CEP83: variants seen among roughly 807,000 people sequenced by gnomAD.
The protein encoded by CEP83 is centrosomal protein of 83 kDa.
A neutral mutation model predicts 101.9 loss-of-function variants in CEP83; 70 were observed. That is an observed-to-expected ratio of 0.69 (90% CI 0.57 to 0.84). The LOEUF (loss-of-function observed/expected upper bound fraction) is 0.84. Ranked by LOEUF, CEP83 falls within the 40% of genes least tolerant of loss-of-function variation. CEP83 has a pLI of 0.00. For missense variants in CEP83, 715 were observed against 787.2 expected, an observed-to-expected ratio of 0.91 and a Z score of 1.10; for synonymous variants, 264 against 267.9, an observed-to-expected ratio of 0.99 and a Z score of 0.14.
At position 94,426,816 on chromosome 12, in the gene CEP83, C is replaced by A. The variant is rs573836938; in HGVS notation, c.-102+8459G>T. Among the ~76,000 whole-genome samples the A allele has an allele frequency of 3.3e-5, 5 of 152,132 alleles. No homozygotes were observed. In the East Asian group the frequency reaches 7.7e-4, roughly 23 times the overall value. On this transcript the variant is annotated intron_variant, in intron 2 of 16. Transcript: ENST00000397809. Reference sequence around the variant, plus strand: ...TGAAGAGGAAGAGGCAATGTGACCACGGAGACAGAGACTGGAAAGATGTAG... The same window carrying A: ...TGAAGAGGAAGAGGCAATGTGACCAAGGAGACAGAGACTGGAAAGATGTAG...
chr12:94,282,419 C>A, the CEP83 span: 1 of 1,478,756 alleles, frequency 6.8e-7, no homozygotes. Flanking sequence ...CAAGACTTGA[C>A]CCCGTGTCTC....
chr12:94,365,544 C>G (rs962011057), intron 11 of CEP83, among the ~76,000 whole-genome samples: 76 of 152,068 alleles, frequency 5.0e-4, no homozygotes, highest in African/African-American at 1.8e-3. Context: ...CCGAGGTGGG[C>G]AGATCACCCG....
chr12:94,312,793 G>A, intron 15 of CEP83, 121 bp downstream of exon 15: 1 of 1,267,226 alleles, frequency 7.9e-7, no homozygotes, highest in Non-Finnish European at 1.0e-6. Context: ...GAGTTATCAA[G>A]CTGTTTTAGA....
intron 6 of CEP83, among the ~76,000 whole-genome samples, chr12:94,389,070 T>C (rs1335198469): frequency 1.3e-5 from 2 of 152,136 alleles, no homozygotes; most frequent in Non-Finnish European, 2.9e-5. Context: ...GAGGTTGCAG[T>C]GAGCCAAGAT....
At chr12:94,394,989 T>C (rs530546861) in intron 6 of CEP83, among the ~76,000 whole-genome samples, 50 of 152,282 alleles carry the variant, frequency 3.3e-4, no homozygotes, top group African/African-American at 1.1e-3. Flanking sequence ...CTGGAGAGGA[T>C]GTAGAGAAAT....
At chr12:94,393,306 C>T (rs1435114318) in intron 6 of CEP83, among the ~76,000 whole-genome samples, 1 of 152,180 alleles carries the variant, frequency 6.6e-6, no homozygotes, top group Non-Finnish European at 1.5e-5. Flanking sequence ...CCCTGGGATG[C>T]AAGGCTGGTT....
intron 11 of CEP83, among the ~76,000 whole-genome samples, chr12:94,342,922 CAA>C (rs1043612164): frequency 2.4e-4 from 36 of 151,990 alleles, no homozygotes; most frequent in African/African-American, 8.2e-4. Flanking sequence ...ACAAGATATA[CAA>C]AGAGTCACAT....
At position 94,332,872 on chromosome 12, in the gene CEP83, AACTT is replaced by A. The variant is rs202113211; in HGVS notation, c.1577+606_1577+609del. Among the ~76,000 whole-genome samples the A allele has an allele frequency of 2.5e-3, 376 of 152,132 alleles. 1 individual carries two copies. The highest frequency in any genetic ancestry group is 8.5e-3 in the African/African-American group (355 of 41,534). On this transcript the variant is annotated intron_variant, in intron 13 of 16. Transcript: ENST00000397809. Reference sequence around the variant, plus strand: ...ATAATGTTTTGTAGATTAAAATAAAAACTTACTTACAAGGCCAACATGTTATAAA... The same window carrying A: ...ATAATGTTTTGTAGATTAAAATAAAAACTTACAAGGCCAACATGTTATAAA...
intron 11 of CEP83, among the ~76,000 whole-genome samples, chr12:94,349,285 C>CAAAAAAAAAAA (rs567484415): frequency 1.4e-5 from 1 of 73,468 alleles, no homozygotes; most frequent in African/African-American, 4.1e-5. Context: ...GACTCTGTCT[C>CAAAAAAAAAAA]AAAAAAAAAA....
At chr12:94,266,271 C>T in the CEP83 span, among the ~76,000 whole-genome samples, 5 of 152,184 alleles carry the variant, frequency 3.3e-5, no homozygotes, top group Non-Finnish European at 7.4e-5. Context: ...AAGTTTTCTG[C>T]CACTGCCAGA....
chr12:94,426,705 T>A (rs1005588184), intron 2 of CEP83, among the ~76,000 whole-genome samples: 4 of 152,080 alleles, frequency 2.6e-5, no homozygotes, highest in African/African-American at 9.7e-5. Flanking sequence ...AAATTAAGGA[T>A]CTTAAGAGGA....
chr12:94,443,886 G>A (rs1207913970), intron 1 of CEP83, among the ~76,000 whole-genome samples: 1 of 152,042 alleles, frequency 6.6e-6, no homozygotes, highest in Non-Finnish European at 1.5e-5. Flanking sequence ...TTCCTCAAAG[G>A]AAAAACTACA....
intron 11 of CEP83, 29 bp downstream of exon 11, chr12:94,367,765 A>G (rs1416145489): frequency 2.0e-6 from 3 of 1,507,334 alleles, no homozygotes; most frequent in Admixed American, 4.5e-5. Context: ...TTCAACATGA[A>G]AAACTTTAAA....
chr12:94,408,957 T>C (rs996695967), intron 4 of CEP83, among the ~76,000 whole-genome samples: 3 of 152,094 alleles, frequency 2.0e-5, no homozygotes, highest in Non-Finnish European at 2.9e-5. Context: ...TACCATTCAC[T>C]ACTGATGCAG....
At chr12:94,371,856 A>G (rs943336933) in intron 8 of CEP83, among the ~76,000 whole-genome samples, 5 of 152,188 alleles carry the variant, frequency 3.3e-5, no homozygotes, top group African/African-American at 1.2e-4. Context: ...ATAAACAGAA[A>G]AGTGAGTACT....
At chr12:94,367,227 C>G (rs959630964) in intron 11 of CEP83, among the ~76,000 whole-genome samples, 1 of 151,866 alleles carries the variant, frequency 6.6e-6, no homozygotes, top group Non-Finnish European at 1.5e-5. Flanking sequence ...TGGGCAACCA[C>G]AGATAATTAT....
chr12:94,280,784 G>C, the CEP83 span, among the ~76,000 whole-genome samples: 8,697 of 152,330 alleles, frequency 0.057, 296 homozygotes, highest in East Asian at 0.072. Flanking sequence ...CCGCCCGACA[G>C]TCTTGGTCCT....
downstream of CEP83, chr12:94,307,636 A>ATGTC (rs1439037062): frequency 6.6e-6 from 1 of 151,596 alleles, no homozygotes; most frequent in East Asian, 1.9e-4. Flanking sequence ...AATGTTTTAA[A>ATGTC]TGTCTATATC....
At chr12:94,452,954 G>C (rs983060834) in intron 1 of CEP83, among the ~76,000 whole-genome samples, 11 of 152,148 alleles carry the variant, frequency 7.2e-5, no homozygotes, top group Middle Eastern at 3.2e-3. Context: ...TCTTTCCTCT[G>C]TTACGCTGCT....
Sources: gnomAD v4.1 joint callset for allele counts (sites outside exome capture counted in the v4.1 genomes callset) on GRCh38, gnomAD v4.1.1 for gene constraint, MANE v1.5 for transcripts, NCBI Gene and HGNC (gene_info 2026-07-23, HGNC 2026-07-21) for gene names.